The following ROPN1 variants were observed in gnomAD, a reference collection of about 807,000 sequenced individuals.
ROPN1 encodes rhophilin associated tail protein 1, also known as ropporin-1A.
Under a neutral mutation model 20.5 loss-of-function variants are expected in ROPN1, and 14 were observed. That is an observed-to-expected ratio of 0.68 (90% CI 0.45 to 1.07). The LOEUF is 1.07. ROPN1 is among the 50% of genes least tolerant of loss of function. The probability of loss-of-function intolerance (pLI) is 0.00; values close to 1 mark genes in which losing one functional copy is unlikely to be tolerated. For missense variants in ROPN1, 169 were observed against 242.8 expected (o/e 0.70, Z 2.02); for synonymous variants, 76 against 95.7 (o/e 0.79, Z 1.20).
chr3:123,980,519 T>G (rs2038120710), intron 1 of ROPN1, 26 bp from the exon 2 acceptor site: 1 of 1,604,460 alleles, frequency 6.2e-7, no homozygotes, highest in Non-Finnish European at 8.5e-7. Context: ...AAAAATACGT[T>G]AAGATGAAAA....
chr3:123,974,013 G>C (rs1278936941), intron 4 of ROPN1, among the ~76,000 whole-genome samples: 11 of 152,178 alleles, frequency 7.2e-5, no homozygotes, highest in Non-Finnish European at 2.9e-5. Context: ...TTGGAGAAGA[G>C]AGCGTGGTGA....
At position 123,969,044 on chromosome 3, in the gene ROPN1, T is replaced by C; in HGVS notation, c.*111A>G. The C allele has an allele frequency of 1.2e-6, 1 of 828,324 alleles. No homozygotes were observed. The highest frequency in any genetic ancestry group is 2.1e-6 in the Non-Finnish European group (1 of 480,424). The allele number at this position is 828,324 out of a possible 1,614,324, so 51.3% of individuals were successfully genotyped here. On this transcript the variant is annotated 3_prime_UTR_variant, in exon 6 of 6. Transcript: ENST00000405845. ...TGATCTCATATGTTTAATTGTTTAT[T>C]AGTGTGTACCAGTTGTACAAGAAAA...
intron 4 of ROPN1, among the ~76,000 whole-genome samples, chr3:123,970,618 A>G (rs1265594267): frequency 6.6e-6 from 1 of 152,202 alleles, no homozygotes; most frequent in African/African-American, 2.4e-5. Context: ...TCTAGCCTAT[A>G]TAGTCCAGCA....
intron 1 of ROPN1, among the ~76,000 whole-genome samples, chr3:123,987,962 T>A (rs1257198113): frequency 6.6e-6 from 1 of 152,228 alleles, no homozygotes; most frequent in Non-Finnish European, 1.5e-5. Context: ...TAGGGACACA[T>A]GGCTCATTTA....
intron 4 of ROPN1, among the ~76,000 whole-genome samples, chr3:123,972,208 A>G (rs2037931945): frequency 6.6e-6 from 1 of 152,204 alleles, no homozygotes; most frequent in Non-Finnish European, 1.5e-5. Context: ...TCAAACTACA[A>G]ACCTTCAAAT....
At chr3:123,987,863 A>G (rs1194045934) in intron 1 of ROPN1, among the ~76,000 whole-genome samples, 1 of 152,224 alleles carries the variant, frequency 6.6e-6, no homozygotes. Flanking sequence ...TTATTTAACA[A>G]ATGAATAGGT....
chr3:123,972,901 A>C lies in ROPN1; in HGVS notation c.396+2478T>G, dbSNP rs2037944221. 5.3e-5 allele frequency among the ~76,000 whole-genome samples: 8 copies of C among 152,368 alleles called. No individual in the cohort carries two copies. In the South Asian group the frequency reaches 1.7e-3, roughly 32 times the overall value. ...TTAGACTGGGTAATTTATAAACAAC[A>C]GAAATGTATTGCTCACAGTTTTGGA... On this transcript the variant is annotated intron_variant, in intron 4 of 5. Coordinates refer to ENST00000405845, the MANE Select transcript of ROPN1 (RefSeq NM_001317774.2).
chr3:123,982,572 T>C (rs1035160870), intron 1 of ROPN1, among the ~76,000 whole-genome samples: 1 of 152,170 alleles, frequency 6.6e-6, no homozygotes, highest in South Asian at 2.1e-4. Flanking sequence ...TCTACTTACA[T>C]CATGTATTTA....
chr3:123,973,259 G>C (rs1386948796), intron 4 of ROPN1, among the ~76,000 whole-genome samples: 1 of 152,168 alleles, frequency 6.6e-6, no homozygotes, highest in Non-Finnish European at 1.5e-5. Flanking sequence ...TTGATTACTG[G>C]TTTCATAGGA....
At chr3:123,981,414 G>C (rs373492062) in intron 1 of ROPN1, 1 of 153,640 alleles carries the variant, frequency 6.5e-6, no homozygotes, top group African/African-American at 2.4e-5. Context: ...TTGCAGCTTT[G>C]AGATAAATTG....
At chr3:123,984,524 G>A (rs1439300767) in intron 1 of ROPN1, among the ~76,000 whole-genome samples, 2 of 152,114 alleles carry the variant, frequency 1.3e-5, no homozygotes, top group Non-Finnish European at 2.9e-5. Flanking sequence ...GCAGCCTCCT[G>A]ACTAGTCTCC....
intron 2 of ROPN1, chr3:123,980,075 C>T: frequency 1.9e-6 from 1 of 525,240 alleles, no homozygotes; most frequent in Non-Finnish European, 3.4e-6. Flanking sequence ...GGTGTGCATA[C>T]GCTGGTGTGA....
intron 4 of ROPN1, among the ~76,000 whole-genome samples, chr3:123,970,977 G>A (rs541045031): frequency 3.9e-5 from 6 of 152,136 alleles, no homozygotes; most frequent in Non-Finnish European, 7.4e-5. Context: ...TTGAATAAAT[G>A]TTACAAGCAA....
Position 123,969,096 on chromosome 3 carries a change from A to G in ROPN1, c.*59T>C. On this transcript the variant is annotated 3_prime_UTR_variant, in exon 6 of 6. Coordinates refer to ENST00000405845, the MANE Select transcript of ROPN1 (RefSeq NM_001317774.2). ...TGATTTTGGGTGGTATATGGGTTTC[A>G]GTCATTCTGAAGTACAATCATCTCT... 1 of 1,408,010 alleles carries G rather than the reference A, an allele frequency of 7.1e-7. No homozygotes were observed. Among genetic ancestry groups the G allele is most frequent in the South Asian group, 1.2e-5 (1 of 86,782 alleles). 87.2% of individuals were successfully genotyped at this position (1,408,010 alleles called of 1,614,324 possible).
At chr3:123,971,130 G>A (rs2037909188) in intron 4 of ROPN1, among the ~76,000 whole-genome samples, 1 of 152,154 alleles carries the variant, frequency 6.6e-6, no homozygotes, top group African/African-American at 2.4e-5. Context: ...AGCAGCTGCT[G>A]TATCTTCCCA....
intron 1 of ROPN1, among the ~76,000 whole-genome samples, chr3:123,986,716 G>A (rs2038267536): frequency 6.6e-6 from 1 of 152,226 alleles, no homozygotes; most frequent in Non-Finnish European, 1.5e-5. Flanking sequence ...ACCTGCCTGT[G>A]CAGACATGGG....
Position 123,976,938 on chromosome 3 carries a change from C to G in ROPN1, c.160G>C (p.Glu54Gln), listed in dbSNP as rs1339667143. Residue 54 changes from glutamate (E) to glutamine (Q), a missense_variant, in exon 3 of 6, where the codon GAG (glutamate) becomes CAG (glutamine). By Grantham distance (29) the Glu-to-Gln change is conservative. Coordinates refer to ENST00000405845, the MANE Select transcript of ROPN1 (RefSeq NM_001317774.2). ...CACAAAGCGACTCGCTCAGACCGCT[C>G]TCTCACCGGAGGCGTCTCTCCACGG... ...LSRGETPPVRERSERVALCNR... is the reference protein window; with the variant it reads ...LSRGETPPVRQRSERVALCNR... 5 of 1,614,186 alleles carry G rather than the reference C, an allele frequency of 3.1e-6. No homozygotes were observed. In the South Asian group the frequency reaches 5.5e-5, roughly 18 times the overall value.
chr3:123,978,152 C>T (rs28728050), intron 2 of ROPN1, among the ~76,000 whole-genome samples: 17,507 of 152,124 alleles, frequency 0.12, 1,293 homozygotes, highest in Middle Eastern at 0.22. Context: ...CAAGGCAGAG[C>T]GAAAGCTACA....
At chr3:123,974,180 T>C (rs929200241) in intron 4 of ROPN1, among the ~76,000 whole-genome samples, 2 of 152,166 alleles carry the variant, frequency 1.3e-5, no homozygotes, top group African/African-American at 2.4e-5. Context: ...AGATAAAATT[T>C]TAAAGGTATA....
Sources: gnomAD v4.1 joint callset for allele counts (sites outside exome capture counted in the v4.1 genomes callset) on GRCh38, gnomAD v4.1.1 for gene constraint, MANE v1.5 for transcripts, NCBI Gene and HGNC (gene_info 2026-07-23, HGNC 2026-07-21) for gene names.